MIPOL1: variants seen among roughly 807,000 people sequenced by gnomAD.
The protein encoded by MIPOL1 is mirror-image polydactyly gene 1 protein.
A neutral mutation model predicts 60.9 loss-of-function variants in MIPOL1; 57 were observed. That is an observed-to-expected ratio of 0.94 (90% CI 0.76 to 1.17). The LOEUF (loss-of-function observed/expected upper bound fraction) is 1.17. Ranked by LOEUF, MIPOL1 falls within the 50% of genes most tolerant of loss-of-function variation. MIPOL1 has a pLI of 0.00. For synonymous variants in MIPOL1, 179 were observed against 168.8 expected, an observed-to-expected ratio of 1.06 and a Z score of -0.47; for missense variants, 551 against 511.6, an observed-to-expected ratio of 1.08 and a Z score of -0.74.
intron 11 of MIPOL1, among the ~76,000 whole-genome samples, chr14:37,463,391 G>A (rs1566650328): frequency 6.6e-6 from 1 of 152,092 alleles, no homozygotes; most frequent in Non-Finnish European, 1.5e-5. Context: ...AATTATATCA[G>A]TACAGATAGA....
chr14:37,216,442 A>T (rs1555359913), intron 1 of MIPOL1, among the ~76,000 whole-genome samples: 16 of 152,166 alleles, frequency 1.1e-4, no homozygotes, highest in Non-Finnish European at 2.4e-4. Flanking sequence ...GACCTAATAG[A>T]TAGTTACAGA....
chr14:37,455,602 AG>A (rs1026507743), intron 11 of MIPOL1, among the ~76,000 whole-genome samples: 1 of 151,648 alleles, frequency 6.6e-6, no homozygotes, highest in African/African-American at 2.4e-5. Context: ...GCTTTTTTTC[AG>A]GAACTGTTCT....
chr14:37,494,659 A>G (rs555271227), intron 11 of MIPOL1, among the ~76,000 whole-genome samples: 1 of 152,294 alleles, frequency 6.6e-6, no homozygotes, highest in African/African-American at 2.4e-5. Flanking sequence ...GTATTAAATT[A>G]CTTATCTCTG....
chr14:37,525,021 G>T (rs1008100938), intron 12 of MIPOL1, among the ~76,000 whole-genome samples: 1 of 152,112 alleles, frequency 6.6e-6, no homozygotes, highest in South Asian at 2.1e-4. Context: ...AGAATAAAAG[G>T]GGTCCTTAAA....
At chr14:37,297,374 A>T (rs1567340337) in intron 7 of MIPOL1, among the ~76,000 whole-genome samples, 1 of 152,196 alleles carries the variant, frequency 6.6e-6, no homozygotes, top group Non-Finnish European at 1.5e-5. Context: ...AACTGGAAGC[A>T]TTCCCTTTGA....
intron 9 of MIPOL1, among the ~76,000 whole-genome samples, chr14:37,349,424 A>G (rs981321365): frequency 6.6e-6 from 1 of 152,136 alleles, no homozygotes; most frequent in African/African-American, 2.4e-5. Context: ...AAGAATCTCA[A>G]GGCTCTGCTG....
intron 11 of MIPOL1, among the ~76,000 whole-genome samples, chr14:37,495,926 C>A (rs1211502941): frequency 6.8e-6 from 1 of 146,820 alleles, no homozygotes; most frequent in Non-Finnish European, 1.5e-5. Context: ...TAAATGTCTT[C>A]TTTTGAGAAG....
At chr14:37,356,689 C>T (rs1168313798) in intron 9 of MIPOL1, among the ~76,000 whole-genome samples, 4 of 152,198 alleles carry the variant, frequency 2.6e-5, no homozygotes, top group African/African-American at 7.2e-5. Context: ...GTCCGTCACC[C>T]CTTTCTTTGA....
chr14:37,225,322 C>T (rs1969520632), intron 1 of MIPOL1, among the ~76,000 whole-genome samples: 1 of 152,210 alleles, frequency 6.6e-6, no homozygotes, highest in Non-Finnish European at 1.5e-5. Context: ...TTCTGCACTG[C>T]CCTAGCAGAG....
intron 10 of MIPOL1, among the ~76,000 whole-genome samples, chr14:37,409,763 C>T (rs2093650982): frequency 1.3e-5 from 2 of 151,904 alleles, no homozygotes; most frequent in Non-Finnish European, 1.5e-5. Flanking sequence ...TCCAGCCTGG[C>T]GACAGAGCAA....
At chr14:37,327,586 A>G (rs916343332) in intron 9 of MIPOL1, among the ~76,000 whole-genome samples, 1 of 152,154 alleles carries the variant, frequency 6.6e-6, no homozygotes, top group South Asian at 2.1e-4. Context: ...TGCCTGGCCA[A>G]TTCAAGCAGT....
chr14:37,431,812 CCTGACCTCGTGATCCG>C (rs1280985232), intron 11 of MIPOL1, among the ~76,000 whole-genome samples: 2 of 151,514 alleles, frequency 1.3e-5, no homozygotes, highest in Non-Finnish European at 2.9e-5. Context: ...GTCTCGGTCT[CCTGACCTCGTGATCCG>C]CTCGCCTCAG....
At chr14:37,218,924 C>CAA (rs150658949) in intron 1 of MIPOL1, among the ~76,000 whole-genome samples, 27 of 106,756 alleles carry the variant, frequency 2.5e-4, no homozygotes, top group African/African-American at 6.9e-4. Context: ...GACCCTATTT[C>CAA]AAAAAAAAAA....
chr14:37,473,672 T>G (rs1313192071), intron 11 of MIPOL1, among the ~76,000 whole-genome samples: 1 of 152,186 alleles, frequency 6.6e-6, no homozygotes, highest in Non-Finnish European at 1.5e-5. Context: ...GTTTCCCCTT[T>G]TATTAATGTC....
chr14:37,478,887 C>T (rs778885105), intron 11 of MIPOL1, among the ~76,000 whole-genome samples: 1 of 150,902 alleles, frequency 6.6e-6, no homozygotes, highest in Non-Finnish European at 1.5e-5. Context: ...GACTTTAAGT[C>T]AAAAACTGTA....
chr14:37,468,184 G>A (rs1466182471), intron 11 of MIPOL1, among the ~76,000 whole-genome samples: 1 of 151,504 alleles, frequency 6.6e-6, no homozygotes, highest in Non-Finnish European at 1.5e-5. Context: ...GTGTGTGTGT[G>A]CAATTGTGTG....
intron 9 of MIPOL1, among the ~76,000 whole-genome samples, chr14:37,357,284 T>C (rs2091911870): frequency 6.6e-6 from 1 of 152,228 alleles, no homozygotes; most frequent in Non-Finnish European, 1.5e-5. Flanking sequence ...GTTGATTGTT[T>C]CCTATGCTGT....
At chr14:37,277,634 A>T (rs1567249041) in intron 6 of MIPOL1, 3 of 151,328 alleles carry the variant, frequency 2.0e-5, no homozygotes, top group South Asian at 4.1e-4. Context: ...TAATTTTCAA[A>T]TTAATTTTGA....
At chr14:37,259,073 T>G (rs1354458068) in intron 3 of MIPOL1, among the ~76,000 whole-genome samples, 1 of 152,116 alleles carries the variant, frequency 6.6e-6, no homozygotes, top group Non-Finnish European at 1.5e-5. Context: ...GTATAAAGGA[T>G]GCAGTTTATT....
Sources: gnomAD v4.1 joint callset for allele counts (sites outside exome capture counted in the v4.1 genomes callset) on GRCh38, gnomAD v4.1.1 for gene constraint, MANE v1.5 for transcripts, NCBI Gene and HGNC (gene_info 2026-07-23, HGNC 2026-07-21) for gene names.